Variants in RAD18 observed in about 807,000 individuals in gnomAD.
RAD18 encodes the protein E3 ubiquitin-protein ligase RAD18.
Under a neutral mutation model 60.4 loss-of-function variants are expected in RAD18, and 47 were observed. The observed-to-expected ratio is 0.78, with a 90% CI of 0.62 to 0.99. RAD18 has a LOEUF of 0.99. Ranked by LOEUF, RAD18 falls within the 50% of genes least tolerant of loss-of-function variation. The pLI is 0.00. For missense variants in RAD18, 640 were observed against 593.3 expected (o/e 1.08, Z -0.82); for synonymous variants, 225 against 195.5 (o/e 1.15, Z -1.26).
At chr3:8,940,222 G>C (rs540173719) in intron 5 of RAD18, among the ~76,000 whole-genome samples, 1 of 152,108 alleles carries the variant, frequency 6.6e-6, no homozygotes. Context: ...AGGGATCTGT[G>C]GGGGTATCTC....
At chr3:8,960,889 G>A (rs553934119) in intron 1 of RAD18, among the ~76,000 whole-genome samples, 11 of 151,856 alleles carry the variant, frequency 7.2e-5, no homozygotes, top group African/African-American at 1.2e-4. Context: ...TTTTTCTACC[G>A]TGTACACATA....
intron 12 of RAD18, 33 bp downstream of exon 12, chr3:8,890,356 G>GTGCA: frequency 6.7e-7 from 1 of 1,496,258 alleles, no homozygotes; most frequent in Non-Finnish European, 9.3e-7. Flanking sequence ...TCAGGTCAAA[G>GTGCA]TGCATGCTTA....
intron 7 of RAD18, among the ~76,000 whole-genome samples, chr3:8,920,278 C>CAAAAAA (rs60504682): frequency 2.3e-3 from 153 of 67,094 alleles, no homozygotes; most frequent in Non-Finnish European, 3.2e-3. Flanking sequence ...GACTCCGTCT[C>CAAAAAA]AAAAAAAAAA....
intron 2 of RAD18, among the ~76,000 whole-genome samples, chr3:8,951,105 G>A (rs1191425672): frequency 1.3e-5 from 2 of 152,318 alleles, no homozygotes; most frequent in East Asian, 3.9e-4. Context: ...TAATGGCTAA[G>A]AATTTCTCCA....
At chr3:8,936,739 G>T (rs930098772) in intron 6 of RAD18, among the ~76,000 whole-genome samples, 1 of 152,134 alleles carries the variant, frequency 6.6e-6, no homozygotes, top group Admixed American at 6.5e-5. Context: ...GCTCACACAA[G>T]GCTGTCCCAA....
At position 8,881,377 on chromosome 3, in the gene RAD18, T is replaced by C. The variant is rs139019521; in HGVS notation, c.1468A>G (p.Asn490Asp). The change falls in exon 13 of 13, where the codon AAC becomes GAC. Residue 490 changes from asparagine to aspartate, a missense_variant. Asn to Asp is a conservative substitution (Grantham distance 23, BLOSUM62 1). Coordinates refer to ENST00000264926, the MANE Select transcript of RAD18 (RefSeq NM_020165.4). Reference protein sequence around the residue: ...AAESAEIEPRNKRNRN With the variant: ...AAESAEIEPRDKRNRN ...CCACATTAATTCCTATTACGCTTGT[T>C]TCTTGGTTCAATCTCAGCACTTTCA... 1.2e-6 allele frequency: 2 copies of C among 1,608,712 alleles called. No homozygotes were observed. Among genetic ancestry groups the C allele is most frequent in the African/African-American group, 2.7e-5 (2 of 74,842 alleles).
At chr3:8,881,584 ATGAATT>A in intron 12 of RAD18, 125 bp from the exon 13 acceptor site, 1 of 694,864 alleles carries the variant, frequency 1.4e-6, no homozygotes, top group Non-Finnish European at 2.4e-6. Flanking sequence ...TATTCTGTTG[ATGAATT>A]CATAATTGTT....
intron 2 of RAD18, among the ~76,000 whole-genome samples, chr3:8,949,698 A>G (rs1402918412): frequency 6.6e-6 from 1 of 152,142 alleles, no homozygotes; most frequent in Admixed American, 6.5e-5. Context: ...GACAATCACA[A>G]CTTACTGGAA....
chr3:8,885,479 T>A (rs190236912), intron 12 of RAD18, among the ~76,000 whole-genome samples: 3 of 152,336 alleles, frequency 2.0e-5, no homozygotes, highest in African/African-American at 7.2e-5. Context: ...AAAGGCACTA[T>A]GAGATAGAGA....
In RAD18 at chr3:8,878,168, G is replaced by A. The variant is rs1299764833; in HGVS notation, c.*3189C>T. ...TCGGGGGGAGCAGCAACATATGCAAGCATGGACTTGTATCTGTATTCTGAA... is the reference window on the plus strand; with the variant it reads ...TCGGGGGGAGCAGCAACATATGCAAACATGGACTTGTATCTGTATTCTGAA... On this transcript the variant is annotated 3_prime_UTR_variant, in exon 13 of 13. Coordinates refer to ENST00000264926, the MANE Select transcript of RAD18 (RefSeq NM_020165.4). The A allele has an allele frequency of 7.9e-5, 12 of 152,236 alleles. No individual in the cohort carries two copies. The highest frequency in any genetic ancestry group is 7.8e-4 in the Admixed American group (12 of 15,292). 9.4% of individuals were successfully genotyped at this position (152,236 alleles called of 1,614,324 possible).
intron 2 of RAD18, among the ~76,000 whole-genome samples, chr3:8,950,491 G>A (rs1367336426): frequency 6.6e-6 from 1 of 152,186 alleles, no homozygotes; most frequent in Non-Finnish European, 1.5e-5. Context: ...GGGGAAAACT[G>A]AGGAGCGTTA....
At chr3:8,951,212 A>G (rs1463945810) in intron 2 of RAD18, among the ~76,000 whole-genome samples, 1 of 152,228 alleles carries the variant, frequency 6.6e-6, no homozygotes, top group Non-Finnish European at 1.5e-5. Flanking sequence ...TCAGCCAATC[A>G]TATTGAAACT....
intron 7 of RAD18, among the ~76,000 whole-genome samples, chr3:8,916,127 G>C (rs1575544619): frequency 6.6e-6 from 1 of 152,154 alleles, no homozygotes; most frequent in African/African-American, 2.4e-5. Flanking sequence ...ATCGGTTGCT[G>C]AGGGAAGTAA....
chr3:8,962,639 T>A (rs1395192950), intron 1 of RAD18, among the ~76,000 whole-genome samples: 2 of 152,232 alleles, frequency 1.3e-5, no homozygotes, highest in African/African-American at 4.8e-5. Flanking sequence ...CATCTGCTCT[T>A]GAGCAAATCC....
At chr3:8,921,236 T>C (rs990446920) in intron 7 of RAD18, among the ~76,000 whole-genome samples, 25 of 152,248 alleles carry the variant, frequency 1.6e-4, no homozygotes, top group African/African-American at 5.8e-4. Context: ...TTCACTATGA[T>C]AGTCTTTCAA....
intron 7 of RAD18, among the ~76,000 whole-genome samples, chr3:8,926,188 T>G (rs905832300): frequency 2.6e-5 from 4 of 152,176 alleles, no homozygotes; most frequent in African/African-American, 9.7e-5. Context: ...AAAATCTCCT[T>G]AAGCTGATAA....
In RAD18 at chr3:8,947,809, T is replaced by C. The variant is rs533997213; in HGVS notation, c.196-519A>G. On this transcript the variant is annotated intron_variant, in intron 3 of 12. Transcript: ENST00000264926. ...ATCTTGTCAAAAGCAGTGTAACATA[T>C]CGTAAAGATCTTAGACTTAAGAGCC... Among the ~76,000 whole-genome samples the C allele has an allele frequency of 2.0e-5, 3 of 152,306 alleles. 1 individual carries two copies. The highest frequency in any genetic ancestry group is 7.2e-5 in the African/African-American group (3 of 41,566).
intron 5 of RAD18, 105 bp from the exon 6 acceptor site, chr3:8,939,758 T>G: frequency 1.1e-6 from 1 of 911,314 alleles, no homozygotes; most frequent in Non-Finnish European, 1.7e-6. Context: ...GAATCCCAAC[T>G]TAACATGCAC....
intron 12 of RAD18, among the ~76,000 whole-genome samples, chr3:8,886,865 G>C (rs1208244743): frequency 6.6e-6 from 1 of 152,238 alleles, no homozygotes; most frequent in Non-Finnish European, 1.5e-5. Context: ...TTGTGGGGTA[G>C]GGAAGTGAGG....
Sources: allele counts gnomAD v4.1 joint callset (sites outside exome capture counted in the v4.1 genomes callset), GRCh38; gene constraint gnomAD v4.1.1; transcripts MANE v1.5; gene names NCBI Gene and HGNC (gene_info 2026-07-23, HGNC 2026-07-21).